CORO7: variants seen among roughly 807,000 people sequenced by gnomAD.
The protein encoded by CORO7 is coronin 7.
Under a neutral mutation model 126.6 loss-of-function variants are expected in CORO7, and 107 were observed. The observed-to-expected ratio is 0.85, with a 90% CI of 0.72 to 0.99. The LOEUF (loss-of-function observed/expected upper bound fraction) is 0.99. CORO7 is among the 50% of genes least tolerant of loss of function. The probability of loss-of-function intolerance (pLI) is 0.00; values close to 1 mark genes in which losing one functional copy is unlikely to be tolerated. For missense variants in CORO7, 1,314 were observed against 1,255.8 expected (o/e 1.05, Z -0.70); for synonymous variants, 603 against 536.8 (o/e 1.12, Z -1.70).
At chr16:4,412,463 G>A (rs770754475) in intron 2 of CORO7, 33 bp from the exon 3 acceptor site, 105 of 1,610,212 alleles carry the variant, frequency 6.5e-5, no homozygotes, top group Non-Finnish European at 8.6e-5. Context: ...CTGACTTCAG[G>A]CCCCACAGGG....
rs753548718 is a variant in CORO7 at position 4,361,022 on chromosome 16, G to C, written c.1838C>G (p.Ser613Cys). Residue 613 changes from serine to cysteine, a missense_variant, in exon 19 of 28, where the codon TCC becomes TGC. By Grantham distance (112) the Ser-to-Cys change is moderately radical. Transcript: ENST00000251166. ...GATGCGAACAGTGAGGTCATAGGAG[G>C]ACGAGGCCAGCACATTGGCTGCCAG... ...HPLAANVLAS[S>C]SYDLTVRIWD... 28 of 1,613,226 alleles carry C rather than the reference G, an allele frequency of 1.7e-5. No homozygotes were observed. The highest frequency in any genetic ancestry group is 6.7e-5 in the African/African-American group (5 of 74,934).
In CORO7 at chr16:4,358,120, G is replaced by A. The variant is rs2054039462; in HGVS notation, c.2458-17C>T. ...GAACTCTTTCTGCAGAGGGAGAAAC[G>A]GGCTGTCCTGAGACATTGACCAGGT... On this transcript the variant is annotated splice_polypyrimidine_tract_variant and intron_variant, in intron 24 of 27. Coordinates refer to ENST00000251166, the MANE Select transcript of CORO7 (RefSeq NM_024535.5). The A allele has an allele frequency of 1.9e-6, 3 of 1,607,776 alleles. No individual in the cohort carries two copies. The highest frequency in any genetic ancestry group is 1.1e-5 in the South Asian group (1 of 90,764).
chr16:4,388,202 G>A, intron 8 of CORO7, 134 bp from the exon 9 acceptor site: 1 of 1,122,408 alleles, frequency 8.9e-7, no homozygotes, highest in Non-Finnish European at 1.3e-6. Flanking sequence ...TGGAGTGGGG[G>A]TGGGAGTCAC....
chr16:4,416,299 GC>G (rs1202632641), intron 1 of CORO7, among the ~76,000 whole-genome samples, 159 bp downstream of exon 1: 1 of 152,132 alleles, frequency 6.6e-6, no homozygotes, highest in East Asian at 1.9e-4. Flanking sequence ...CGACGAAACG[GC>G]CCGGACGCCG....
rs1567249436 is a variant in CORO7, at chr16:4,362,195, G to A, written c.1403-35C>T. ...GGCAGGGACATGGAACCACGTGTGA[G>A]GATGCCGTCCCCGCCCGCCCTGCAC... On this transcript the variant is annotated intron_variant, in intron 15 of 27. Coordinates refer to ENST00000251166, the MANE Select transcript of CORO7 (RefSeq NM_024535.5). This position sits in a 1 kb window ranked among gnomAD's most constrained non-coding sequence, Gnocchi z 5.3. 9 of 1,589,030 alleles carry A rather than the reference G, an allele frequency of 5.7e-6. No individual in the cohort carries two copies. The highest frequency in any genetic ancestry group is 7.7e-6 in the Non-Finnish European group (9 of 1,167,570).
In CORO7 at chr16:4,405,485, G is replaced by A; in HGVS notation, c.564+6C>T. The A allele has an allele frequency of 6.2e-7, 1 of 1,611,384 alleles. No homozygotes were observed. The highest frequency in any genetic ancestry group is 1.1e-5 in the South Asian group (1 of 91,018). On this transcript the variant is annotated splice_donor_region_variant and intron_variant, in intron 6 of 27. Transcript: ENST00000251166. ...CCCCACAGGGCATCCCCACCTGCCT[G>A]CTCACCTTGCACGCCGTGCCCACCA...
chr16:4,396,293 G>A (rs1243103409), intron 6 of CORO7, among the ~76,000 whole-genome samples: 1 of 152,072 alleles, frequency 6.6e-6, no homozygotes, highest in Non-Finnish European at 1.5e-5. Flanking sequence ...TTGGCAGGCC[G>A]GTCTCAAACT....
At chr16:4,389,631 G>A (rs1036867044) in intron 7 of CORO7, among the ~76,000 whole-genome samples, 2 of 152,200 alleles carry the variant, frequency 1.3e-5, no homozygotes, top group African/African-American at 4.8e-5. Flanking sequence ...CTTCCCACCA[G>A]GCTGTGGCCG....
intron 7 of CORO7, among the ~76,000 whole-genome samples, chr16:4,392,817 C>T (rs905098406): frequency 7.2e-5 from 11 of 152,180 alleles, no homozygotes; most frequent in East Asian, 1.9e-4. Flanking sequence ...ACACGGAGAG[C>T]GGCATTCCAG....
At chr16:4,355,468 C>CT (rs558470140) in intron 26 of CORO7, 96 bp from the exon 27 acceptor site, 72,646 of 1,053,926 alleles carry the variant, frequency 0.069, 12 homozygotes, top group Non-Finnish European at 0.075. Context: ...GTGAAAAGAA[C>CT]TTTTTTTTTT....
At chr16:4,401,513 TC>T (rs1393335681) in intron 6 of CORO7, among the ~76,000 whole-genome samples, 2 of 151,974 alleles carry the variant, frequency 1.3e-5, no homozygotes, top group African/African-American at 2.4e-5. Flanking sequence ...CTCTTAAAAC[TC>T]CACTACTCCA....
chr16:4,407,542 G>A lies in CORO7; in HGVS notation c.446C>T (p.Thr149Ile). ...CTTGGCTGCGTCCCAGACCTTCACA[G>A]TGGTGCCTGCTGCGCTCACCAGAAT... is the stretch of plus-strand genomic sequence containing the variant. ...DGILVSAAGT[T>I]VKVWDAAKQQ... The change falls in exon 5 of 28, where the codon ACT (threonine) becomes ATT (isoleucine). Residue 149 changes from threonine (T) to isoleucine (I), a missense_variant. Thr to Ile is a moderately conservative substitution (Grantham distance 89). Coordinates refer to ENST00000251166, the MANE Select transcript of CORO7 (RefSeq NM_024535.5). 1 of 1,579,842 alleles carries A rather than the reference G, an allele frequency of 6.3e-7. No individual in the cohort carries two copies. Among genetic ancestry groups the A allele is most frequent in the South Asian group, 1.2e-5 (1 of 86,566 alleles).
At position 4,360,323 on chromosome 16, in the gene CORO7, A is replaced by G; in HGVS notation, c.2063T>C (p.Val688Ala). The change falls in exon 21 of 28, where the codon GTC becomes GCC. Residue 688 changes from valine (V) to alanine (A), a missense_variant. Coordinates refer to ENST00000251166, the MANE Select transcript of CORO7 (RefSeq NM_024535.5). ...GPKGGRGARI[V>A]WVCDGRCLLV... ...CAGACAGCGACCATCACATACCCAG[A>G]CAATGCGAGCTCCGCGTCCTCCCTT... is the stretch of plus-strand genomic sequence containing the variant. The G allele has an allele frequency of 6.2e-7, 1 of 1,613,672 alleles. No homozygotes were observed. The highest frequency in any genetic ancestry group is 8.5e-7 in the Non-Finnish European group (1 of 1,179,986).
At chr16:4,399,278 C>T (rs1229540261) in intron 6 of CORO7, among the ~76,000 whole-genome samples, 2 of 152,170 alleles carry the variant, frequency 1.3e-5, no homozygotes, top group African/African-American at 2.4e-5. Context: ...ATGTGGTCTG[C>T]GCATACTATG....
At chr16:4,387,245 C>T (rs2055223355) in intron 9 of CORO7, among the ~76,000 whole-genome samples, 1 of 152,136 alleles carries the variant, frequency 6.6e-6, no homozygotes, top group South Asian at 2.1e-4. Context: ...CTCATAAATG[C>T]TTGCCCTGGG....
chr16:4,395,915 G>GA (rs1268348075), intron 6 of CORO7, among the ~76,000 whole-genome samples: 1 of 151,958 alleles, frequency 6.6e-6, no homozygotes, highest in Admixed American at 6.6e-5. Flanking sequence ...ACAAAAAGCA[G>GA]AAAAAAATGT....
chr16:4,390,158 G>T (rs890668952), intron 7 of CORO7, among the ~76,000 whole-genome samples: 1 of 152,218 alleles, frequency 6.6e-6, no homozygotes, highest in Admixed American at 6.5e-5. Context: ...TGCCATGGGG[G>T]AGCCGCACGG....
Position 4,359,350 on chromosome 16 carries a change from G to C in CORO7, c.2286C>G (p.Pro762=), listed in dbSNP as rs140974533. The part of the protein sequence containing the change: ...DTRVFLYELL[P]ESPFFLECNS... Reference sequence around the variant, plus strand: ...TGCACTCCAGGAAGAAAGGGGACTCGGGGAGCAGCTCGTACAGGAATACAC... The same window carrying C: ...TGCACTCCAGGAAGAAAGGGGACTCCGGGAGCAGCTCGTACAGGAATACAC... Residue 762 remains proline, a synonymous_variant, in exon 23 of 28, where the codon CCC becomes CCG. Transcript: ENST00000251166. The C allele has an allele frequency of 1.5e-5, 25 of 1,613,082 alleles. No homozygotes were observed. The highest frequency in any genetic ancestry group is 1.2e-4 in the Admixed American group (7 of 59,930).
chr16:4,359,314 C>T lies in CORO7; in HGVS notation c.2322G>A (p.Thr774=), dbSNP rs754013218. Residue 774 remains threonine, a synonymous_variant, in exon 23 of 28, where the codon ACG becomes ACA. Transcript: ENST00000251166. The part of the protein sequence containing the change: ...SPFFLECNSF[T]SPDPHKGLVL... ...GCCTCACCTTGTGGGGGTCAGGCGA[C>T]GTGAAGCTGTTGCACTCCAGGAAGA... 3.4e-5 allele frequency: 55 copies of T among 1,609,680 alleles called. No individual in the cohort carries two copies. In the South Asian group the frequency reaches 4.1e-4, roughly 12 times the overall value.
Sources: gnomAD v4.1 joint callset for allele counts (sites outside exome capture counted in the v4.1 genomes callset) on GRCh38, gnomAD v4.1.1 for gene constraint, Gnocchi (gnomAD v3.1) non-coding constraint, MANE v1.5 for transcripts, NCBI Gene and HGNC (gene_info 2026-07-23, HGNC 2026-07-21) for gene names.